The following ALK variants were observed in gnomAD, a reference collection of about 807,000 sequenced individuals.
ALK encodes the protein ALK receptor tyrosine kinase.
ALK carries 74 observed loss-of-function variants against 163.1 expected under a neutral mutation model. That is an observed-to-expected ratio of 0.45 (90% CI 0.38 to 0.55). The LOEUF is 0.55. ALK is among the 20% of genes least tolerant of loss of function. The pLI is 0.00. For synonymous variants in ALK, 960 were observed against 843.2 expected, an observed-to-expected ratio of 1.14 and a Z score of -2.40; for missense variants, 2,063 against 2,105.3, an observed-to-expected ratio of 0.98 and a Z score of 0.39.
intron 8 of ALK, among the ~76,000 whole-genome samples, chr2:29,312,473 CT>C (rs2148243306): frequency 6.6e-6 from 1 of 152,254 alleles, no homozygotes; most frequent in East Asian, 1.9e-4. Context: ...GGTGATGCTC[CT>C]TTTGCACTGG....
chr2:29,581,148 G>A (rs750210371), intron 3 of ALK, among the ~76,000 whole-genome samples: 15 of 152,194 alleles, frequency 9.9e-5, no homozygotes, highest in Non-Finnish European at 2.2e-4. Context: ...CCAGCACTTT[G>A]GGAGGCCAAG....
intron 4 of ALK, among the ~76,000 whole-genome samples, chr2:29,482,811 C>G (rs751846992): frequency 7.9e-5 from 12 of 152,236 alleles, no homozygotes; most frequent in Non-Finnish European, 1.5e-4. Flanking sequence ...TAAGAAAGTT[C>G]TTTAGTCTTC....
chr2:29,796,937 GACA>G (rs1664327776), intron 1 of ALK, among the ~76,000 whole-genome samples: 1 of 151,164 alleles, frequency 6.6e-6, no homozygotes. Flanking sequence ...ATGGCTCAAT[GACA>G]ACAATAACAA....
chr2:29,660,220 C>A (rs553672697), intron 3 of ALK, among the ~76,000 whole-genome samples: 1 of 152,288 alleles, frequency 6.6e-6, no homozygotes, highest in East Asian at 1.9e-4. Context: ...TCTGCACCCA[C>A]AGACACGCTT....
Position 29,227,503 on chromosome 2 carries a change from A to T in ALK, c.2914+71T>A. On this transcript the variant is annotated intron_variant, in intron 17 of 28. Transcript: ENST00000389048. This position sits in a 1 kb window ranked among gnomAD's most constrained non-coding sequence, Gnocchi z 4.4. ...TCTGTATCCTGGATACAGGTCAGAG[A>T]CTCTGAGGTTTTAGCTTGGTGGGAG... 5 of 1,296,508 alleles carry T rather than the reference A, an allele frequency of 3.9e-6. No individual in the cohort carries two copies. Among genetic ancestry groups the T allele is most frequent in the Non-Finnish European group, 5.6e-6 (5 of 890,298 alleles). 80.3% of individuals were successfully genotyped at this position (1,296,508 alleles called of 1,614,324 possible).
At chr2:29,344,845 C>A (rs1469210385) in intron 5 of ALK, among the ~76,000 whole-genome samples, 7 of 152,008 alleles carry the variant, frequency 4.6e-5, no homozygotes, top group Non-Finnish European at 1.0e-4. Flanking sequence ...TTGAGTTATC[C>A]TCAAAGAGTG....
intron 4 of ALK, among the ~76,000 whole-genome samples, chr2:29,414,626 C>T (rs1394544785): frequency 6.6e-6 from 1 of 152,198 alleles, no homozygotes. Flanking sequence ...GAATGTGCAA[C>T]CCACTTACGA....
At chr2:29,302,779 G>T (rs538532041) in intron 8 of ALK, among the ~76,000 whole-genome samples, 1 of 152,248 alleles carries the variant, frequency 6.6e-6, no homozygotes, top group African/African-American at 2.4e-5. Context: ...TATCCAGGCA[G>T]ATGTTCTTCC....
At chr2:29,661,027 G>C (rs1049111960) in intron 3 of ALK, among the ~76,000 whole-genome samples, 6 of 152,118 alleles carry the variant, frequency 3.9e-5, no homozygotes, top group Non-Finnish European at 5.9e-5. Context: ...CACTTACTCT[G>C]CTCCTCTCTG....
chr2:29,551,536 G>C (rs558618913), intron 3 of ALK, among the ~76,000 whole-genome samples: 2 of 152,190 alleles, frequency 1.3e-5, no homozygotes, highest in South Asian at 4.2e-4. Flanking sequence ...GCTGATAACT[G>C]AGTAAGCAAT....
chr2:29,643,721 T>C (rs1558422649), intron 3 of ALK, among the ~76,000 whole-genome samples: 1 of 152,124 alleles, frequency 6.6e-6, no homozygotes, highest in Non-Finnish European at 1.5e-5. Flanking sequence ...GGGCATACTA[T>C]AACAATCGAA....
chr2:29,532,156 A>T, intron 3 of ALK, 40 bp from the exon 4 acceptor site: 1 of 1,587,404 alleles, frequency 6.3e-7, no homozygotes, highest in South Asian at 1.1e-5. Context: ...AGATGTGTTC[A>T]GGTAAGACCA....
intron 4 of ALK, among the ~76,000 whole-genome samples, chr2:29,414,715 C>G (rs534849724): frequency 6.6e-6 from 1 of 152,326 alleles, no homozygotes; most frequent in African/African-American, 2.4e-5. Context: ...TAAGTCCTGT[C>G]TATTTATCAA....
intron 3 of ALK, among the ~76,000 whole-genome samples, chr2:29,633,687 G>GA (rs1308269620): frequency 6.6e-6 from 1 of 151,554 alleles, no homozygotes; most frequent in East Asian, 1.9e-4. Context: ...AATGACAAAG[G>GA]AAAAAAAGAG....
chr2:29,813,386 T>C (rs1276274654), intron 1 of ALK, among the ~76,000 whole-genome samples: 1 of 152,102 alleles, frequency 6.6e-6, no homozygotes, highest in Non-Finnish European at 1.5e-5. Context: ...TAGAATCTCT[T>C]AGCACTAAGA....
intron 1 of ALK, among the ~76,000 whole-genome samples, chr2:29,866,946 G>A (rs375495276): frequency 3.9e-5 from 6 of 152,236 alleles, no homozygotes; most frequent in African/African-American, 9.6e-5. Context: ...GGTCCTTTTC[G>A]CCACTTACAA....
chr2:29,677,437 T>G (rs1255772661), intron 3 of ALK, among the ~76,000 whole-genome samples: 1 of 151,992 alleles, frequency 6.6e-6, no homozygotes, highest in Non-Finnish European at 1.5e-5. Flanking sequence ...GTGCTCTTTA[T>G]TAGGTTAAGG....
At chr2:29,883,316 A>T (rs1336238020) in intron 1 of ALK, among the ~76,000 whole-genome samples, 1 of 152,120 alleles carries the variant, frequency 6.6e-6, no homozygotes, top group African/African-American at 2.4e-5. Flanking sequence ...TCTTTTCCTT[A>T]TTCTAGGTTT....
At chr2:29,413,054 G>A (rs998908750) in intron 4 of ALK, among the ~76,000 whole-genome samples, 10 of 152,116 alleles carry the variant, frequency 6.6e-5, no homozygotes, top group Non-Finnish European at 1.3e-4. Flanking sequence ...TTCCACCTTC[G>A]TAGTCCTTAA....
Sources: gnomAD v4.1 joint callset for allele counts (sites outside exome capture counted in the v4.1 genomes callset) on GRCh38, gnomAD v4.1.1 for gene constraint, Gnocchi (gnomAD v3.1) non-coding constraint, MANE v1.5 for transcripts, NCBI Gene and HGNC (gene_info 2026-07-23, HGNC 2026-07-21) for gene names.